Variants in SERPINB8 observed in about 807,000 individuals in gnomAD.
SERPINB8 encodes the protein serpin family B member 8.
SERPINB8 carries 25 observed loss-of-function variants against 35.3 expected under a neutral mutation model. The observed-to-expected ratio is 0.71, with a 90% confidence interval of 0.52 to 0.99. The LOEUF (loss-of-function observed/expected upper bound fraction) is 0.99, where lower values mean the gene tolerates loss of function less well. Ranked by LOEUF, SERPINB8 falls within the 50% of genes least tolerant of loss-of-function variation. The pLI is 0.00. For missense variants in SERPINB8, 484 were observed against 446.5 expected (o/e 1.08, Z -0.76); for synonymous variants, 186 against 160.8 (o/e 1.16, Z -1.19).
downstream of SERPINB8, among the ~76,000 whole-genome samples, chr18:64,006,014 C>T (rs2050898331): frequency 2.0e-5 from 3 of 152,160 alleles, no homozygotes; most frequent in Admixed American, 2.0e-4. Context: ...TGAAACAGCT[C>T]CCAGGTCCTT....
downstream of SERPINB8, among the ~76,000 whole-genome samples, chr18:64,006,543 G>C (rs945262549): frequency 6.6e-6 from 1 of 152,034 alleles, no homozygotes; most frequent in Non-Finnish European, 1.5e-5. Context: ...AGACATGCTG[G>C]CACCCTAATT....
chr18:63,972,343 T>C (rs749488160), intron 1 of SERPINB8, among the ~76,000 whole-genome samples: 2 of 152,238 alleles, frequency 1.3e-5, no homozygotes, highest in Non-Finnish European at 2.9e-5. Context: ...CTTAATCCTT[T>C]AATACATTAT....
At chr18:63,991,661 T>G (rs1169610723), downstream of SERPINB8, among the ~76,000 whole-genome samples, 1 of 136,416 alleles carries the variant, frequency 7.3e-6, no homozygotes, top group Non-Finnish European at 1.5e-5. Flanking sequence ...TTCTTTCACA[T>G]TTAGATAGCT....
At chr18:64,016,056 C>T (rs892451366) in intron 7 of SERPINB8, among the ~76,000 whole-genome samples, 33 of 152,338 alleles carry the variant, frequency 2.2e-4, no homozygotes, top group African/African-American at 7.5e-4. Context: ...ACACTTTTCC[C>T]CCCTGGAAAG....
At chr18:64,001,773 C>T (rs2144841964) in intron 1 of SERPINB8, among the ~76,000 whole-genome samples, 1 of 152,288 alleles carries the variant, frequency 6.6e-6, no homozygotes. Context: ...AGGCGTGAGC[C>T]ACCGCGCCCG....
At chr18:63,972,737 G>A (rs1419701749) in intron 1 of SERPINB8, among the ~76,000 whole-genome samples, 2 of 151,226 alleles carry the variant, frequency 1.3e-5, no homozygotes, top group African/African-American at 4.9e-5. Context: ...AGAACATGTG[G>A]TGTTTGGGTT....
chr18:63,984,435 G>GA (rs1226907336), intron 5 of SERPINB8, among the ~76,000 whole-genome samples: 1 of 151,834 alleles, frequency 6.6e-6, no homozygotes, highest in Non-Finnish European at 1.5e-5. Context: ...CTGAGCACAA[G>GA]AAAAAAAAGT....
At chr18:64,012,411 A>G (rs2050929842) in intron 7 of SERPINB8, among the ~76,000 whole-genome samples, 1 of 152,042 alleles carries the variant, frequency 6.6e-6, no homozygotes, top group Admixed American at 6.6e-5. Context: ...CTCTGAATTG[A>G]TCTTTTACAT....
intron 1 of SERPINB8, among the ~76,000 whole-genome samples, chr18:63,994,678 GA>G (rs1274234831): frequency 6.6e-6 from 1 of 152,176 alleles, no homozygotes; most frequent in Non-Finnish European, 1.5e-5. Flanking sequence ...CCATGCCATT[GA>G]AAAACACTTC....
At chr18:64,018,313 C>T (rs1405100048) in intron 7 of SERPINB8, among the ~76,000 whole-genome samples, 1 of 152,148 alleles carries the variant, frequency 6.6e-6, no homozygotes, top group Admixed American at 6.5e-5. Flanking sequence ...TCAGTTATTG[C>T]ATGCAAGTCT....
At chr18:64,003,028 C>T (rs971652840) in intron 1 of SERPINB8, among the ~76,000 whole-genome samples, 1 of 152,188 alleles carries the variant, frequency 6.6e-6, no homozygotes, top group African/African-American at 2.4e-5. Flanking sequence ...ACCGCATTTC[C>T]ATCTCCTCTC....
intron 7 of SERPINB8, among the ~76,000 whole-genome samples, chr18:64,013,642 A>G (rs2050936102): frequency 6.6e-6 from 1 of 152,258 alleles, no homozygotes; most frequent in South Asian, 2.1e-4. Context: ...CTAAGTGTTA[A>G]GAAAGGAAGC....
At chr18:63,970,616 GGGAGGAGCCGCCGCTGC>G (rs1291418828) in intron 1 of SERPINB8, 1 of 152,536 alleles carries the variant, frequency 6.6e-6, no homozygotes, top group African/African-American at 2.4e-5. Flanking sequence ...GAGGGCGAGT[GGGAGGAGCCGCCGCTGC>G]GGAGGAGGCT....
intron 1 of SERPINB8, among the ~76,000 whole-genome samples, chr18:63,997,721 G>C (rs578211780): frequency 3.5e-4 from 53 of 152,302 alleles, no homozygotes; most frequent in African/African-American, 1.1e-3. Context: ...CTGAACATTT[G>C]ATTGAGCTAC....
In SERPINB8 at chr18:64,000,961, A is replaced by C. The variant is rs1024805805; in HGVS notation, c.71-3858A>C. 2.6e-5 allele frequency among the ~76,000 whole-genome samples: 4 copies of C among 152,208 alleles called. No homozygotes were observed. The East Asian group carries it at 7.7e-4, about 29-fold the overall frequency. ...ATCTCTCTTACTAGCAGAGGAATAA[A>C]AATGTAGGATTGCTATGTAGGATTT... On this transcript the variant is annotated intron_variant, in intron 1 of 1. Transcript: ENST00000493661.
At chr18:63,986,002 A>G (rs1193518163) in intron 6 of SERPINB8, among the ~76,000 whole-genome samples, 2 of 152,204 alleles carry the variant, frequency 1.3e-5, no homozygotes, top group Admixed American at 6.5e-5. Context: ...CTGGCACACC[A>G]ATGCACAGGA....
chr18:63,990,519 T>A (rs2050819318), downstream of SERPINB8, among the ~76,000 whole-genome samples: 1 of 152,206 alleles, frequency 6.6e-6, no homozygotes, highest in African/African-American at 2.4e-5. Context: ...TTTGCACACT[T>A]TATTTTTTTA....
exon 8 of SERPINB8, chr18:64,018,933 T>A (rs2050962911): frequency 6.6e-6 from 1 of 152,158 alleles, no homozygotes; most frequent in Non-Finnish European, 1.5e-5. Flanking sequence ...AACCTCCATT[T>A]ATGATCAAAC....
chr18:64,012,388 C>G (rs1381137573), intron 7 of SERPINB8, among the ~76,000 whole-genome samples: 1 of 152,092 alleles, frequency 6.6e-6, no homozygotes, highest in Non-Finnish European at 1.5e-5. Flanking sequence ...GTATACACAT[C>G]AAATGCTGGG....
Sources: gnomAD v4.1 joint callset for allele counts (sites outside exome capture counted in the v4.1 genomes callset) on GRCh38, gnomAD v4.1.1 for gene constraint, MANE v1.5 for transcripts, NCBI Gene and HGNC (gene_info 2026-07-23, HGNC 2026-07-21) for gene names.